Variants in HYCC2 observed in about 807,000 individuals in gnomAD.
The protein encoded by HYCC2 is hyccin 2.
chr2:201,059,962 T>C, the HYCC2 span, among the ~76,000 whole-genome samples: 1 of 147,816 alleles, frequency 6.8e-6, no homozygotes, highest in Non-Finnish European at 1.5e-5. Flanking sequence ...GAGAATCACT[T>C]GAACCCGGGA....
At chr2:200,987,402 G>A in the HYCC2 span, 4 of 1,289,780 alleles carry the variant, frequency 3.1e-6, no homozygotes, top group Non-Finnish European at 4.0e-6. Flanking sequence ...GCTCCGGCGA[G>A]CCATGCTCAG....
At chr2:201,025,166 A>C in the HYCC2 span, among the ~76,000 whole-genome samples, 1 of 152,100 alleles carries the variant, frequency 6.6e-6, no homozygotes, top group South Asian at 2.1e-4. Flanking sequence ...AGAAAAAGCA[A>C]GCTGTAGGAT....
chr2:201,056,587 T>C, the HYCC2 span, among the ~76,000 whole-genome samples: 1 of 151,718 alleles, frequency 6.6e-6, no homozygotes, highest in East Asian at 1.9e-4. Flanking sequence ...GGCAGGAGAA[T>C]TGCTTGAACC....
the HYCC2 span, among the ~76,000 whole-genome samples, chr2:201,006,026 G>A: frequency 2.4e-3 from 362 of 151,642 alleles, 1 homozygote; most frequent in African/African-American, 8.1e-3. Context: ...TAGAGACAGA[G>A]TTTCACCATG....
At chr2:201,068,601 T>C in the HYCC2 span, among the ~76,000 whole-genome samples, 2 of 152,258 alleles carry the variant, frequency 1.3e-5, no homozygotes, top group African/African-American at 2.4e-5. Flanking sequence ...GTATGCCTTT[T>C]TAAAAACTCC....
chr2:201,022,021 T>G, the HYCC2 span: 1 of 1,233,362 alleles, frequency 8.1e-7, no homozygotes, highest in Non-Finnish European at 1.1e-6. Flanking sequence ...AAAATGAAGA[T>G]GCACTTTAAG....
At chr2:201,060,844 G>T in the HYCC2 span, among the ~76,000 whole-genome samples, 1 of 152,060 alleles carries the variant, frequency 6.6e-6, no homozygotes, top group Non-Finnish European at 1.5e-5. Flanking sequence ...AAATGGGAGG[G>T]GTAGAGTAGG....
the HYCC2 span, among the ~76,000 whole-genome samples, chr2:201,027,992 C>T: frequency 1.3e-5 from 2 of 152,122 alleles, no homozygotes; most frequent in South Asian, 2.1e-4. Context: ...AGAAATAAAG[C>T]GTATTCAATT....
At chr2:201,042,691 C>T in the HYCC2 span, among the ~76,000 whole-genome samples, 1 of 150,402 alleles carries the variant, frequency 6.6e-6, no homozygotes, top group East Asian at 2.0e-4. Flanking sequence ...CCGCCCAGTC[C>T]GGGAGCTGGG....
chr2:201,036,879 T>C, the HYCC2 span, among the ~76,000 whole-genome samples: 1 of 152,150 alleles, frequency 6.6e-6, no homozygotes, highest in African/African-American at 2.4e-5. Flanking sequence ...CAACATAGTG[T>C]TGGAAGTTCT....
chr2:200,990,728 C>T, the HYCC2 span, among the ~76,000 whole-genome samples: 12 of 152,304 alleles, frequency 7.9e-5, no homozygotes, highest in South Asian at 8.3e-4. Context: ...CCCGCCACCG[C>T]GCCCAGCTAA....
chr2:200,990,478 T>G, the HYCC2 span, among the ~76,000 whole-genome samples: 1 of 152,164 alleles, frequency 6.6e-6, no homozygotes, highest in Admixed American at 6.6e-5. Flanking sequence ...CTCAGCCTAC[T>G]GCAACCTCTG....
At chr2:201,054,002 A>G in the HYCC2 span, among the ~76,000 whole-genome samples, 1 of 152,106 alleles carries the variant, frequency 6.6e-6, no homozygotes, top group Non-Finnish European at 1.5e-5. Context: ...AAACAAACAA[A>G]CAAAAAACCC....
At chr2:201,047,187 G>A in the HYCC2 span, among the ~76,000 whole-genome samples, 23 of 152,170 alleles carry the variant, frequency 1.5e-4, 1 homozygote, top group African/African-American at 5.3e-4. Context: ...CCCTCTCAGT[G>A]CAGCCGGCAG....
At chr2:201,017,855 C>CT in the HYCC2 span, among the ~76,000 whole-genome samples, 2 of 152,126 alleles carry the variant, frequency 1.3e-5, no homozygotes, top group Non-Finnish European at 2.9e-5. Context: ...GTCATTGTCT[C>CT]TAAGTGCTCA....
the HYCC2 span, chr2:200,981,751 TGAGAA>T: frequency 1.9e-6 from 3 of 1,614,164 alleles, no homozygotes; most frequent in Non-Finnish European, 2.5e-6. The surrounding 1 kb of genome is among the most constrained non-coding windows in gnomAD (Gnocchi z 4.5). Flanking sequence ...GCTTCCCCTC[TGAGAA>T]GAGGAGGATG....
At chr2:201,049,512 GTTT>G in the HYCC2 span, among the ~76,000 whole-genome samples, 4 of 142,896 alleles carry the variant, frequency 2.8e-5, no homozygotes, top group East Asian at 8.1e-4. Flanking sequence ...CACCACCCCG[GTTT>G]TTTTTTTTTT....
At chr2:201,020,083 C>G in the HYCC2 span, among the ~76,000 whole-genome samples, 1 of 151,748 alleles carries the variant, frequency 6.6e-6, no homozygotes, top group African/African-American at 2.4e-5. Flanking sequence ...GACCCTGGCT[C>G]AGAAAAAAAC....
the HYCC2 span, among the ~76,000 whole-genome samples, chr2:201,038,691 C>A: frequency 6.6e-6 from 1 of 151,470 alleles, no homozygotes; most frequent in African/African-American, 2.4e-5. Flanking sequence ...GGAATTGGAA[C>A]AATGAAAACA....
Sources: allele counts gnomAD v4.1 joint callset (sites outside exome capture counted in the v4.1 genomes callset), GRCh38; gene constraint gnomAD v4.1.1; non-coding constraint Gnocchi (gnomAD v3.1); transcripts MANE v1.5; gene names NCBI Gene and HGNC (gene_info 2026-07-23, HGNC 2026-07-21).